NR1H4: variants seen among roughly 807,000 people sequenced by gnomAD.
NR1H4 encodes bile acid receptor.
NR1H4 carries 23 observed loss-of-function variants against 58.5 expected under a neutral mutation model. That is an observed-to-expected ratio of 0.39 (90% CI 0.28 to 0.56). The LOEUF (loss-of-function observed/expected upper bound fraction) is 0.56, where lower values mean the gene tolerates loss of function less well. Ranked by LOEUF, NR1H4 falls within the 20% of genes least tolerant of loss-of-function variation. The pLI is 0.58. For synonymous variants in NR1H4, 214 were observed against 198.0 expected (o/e 1.08, Z -0.68); for missense variants, 487 against 576.9 (o/e 0.84, Z 1.60).
At chr12:100,521,873 TCAAATTATCTTGGAGTATGATG>T (rs1954428514) in intron 4 of NR1H4, among the ~76,000 whole-genome samples, 1 of 152,112 alleles carries the variant, frequency 6.6e-6, no homozygotes, top group Non-Finnish European at 1.5e-5. Context: ...ATTCTAGAGG[TCAAATTATCTTGGAGTATGATG>T]CAAGATGGGG....
chr12:100,542,084 G>A (rs145992323), intron 9 of NR1H4, among the ~76,000 whole-genome samples: 52 of 152,142 alleles, frequency 3.4e-4, no homozygotes, highest in African/African-American at 1.2e-3. Context: ...AGTGGCTCAC[G>A]CCTATAATCC....
intron 8 of NR1H4, among the ~76,000 whole-genome samples, chr12:100,540,331 G>A (rs1954906114): frequency 6.6e-6 from 1 of 152,178 alleles, no homozygotes; most frequent in Non-Finnish European, 1.5e-5. Flanking sequence ...CCAATCTGCA[G>A]AGTTGACCCT....
At chr12:100,537,980 G>A (rs1954851782) in intron 8 of NR1H4, among the ~76,000 whole-genome samples, 1 of 152,168 alleles carries the variant, frequency 6.6e-6, no homozygotes, top group Admixed American at 6.5e-5. Context: ...AAAGTGCTGG[G>A]ATTACAGGCG....
At chr12:100,491,516 T>C (rs556521148) in intron 1 of NR1H4, among the ~76,000 whole-genome samples, 1 of 150,250 alleles carries the variant, frequency 6.7e-6, no homozygotes, top group Admixed American at 6.7e-5. Context: ...GAATCTAGTA[T>C]GGGTTGGTCA....
intron 1 of NR1H4, among the ~76,000 whole-genome samples, chr12:100,485,258 C>T (rs1953466810): frequency 6.6e-6 from 1 of 152,126 alleles, no homozygotes; most frequent in Non-Finnish European, 1.5e-5. Flanking sequence ...GACTGTATTG[C>T]AACCACAGTA....
intron 3 of NR1H4, among the ~76,000 whole-genome samples, chr12:100,502,260 A>T (rs1197280616): frequency 2.0e-5 from 3 of 152,214 alleles, no homozygotes; most frequent in Admixed American, 1.3e-4. Context: ...GCCTGGATGT[A>T]TTAGTTTGCT....
intron 9 of NR1H4, among the ~76,000 whole-genome samples, chr12:100,559,465 C>T (rs575087740): frequency 1.3e-5 from 2 of 152,218 alleles, no homozygotes; most frequent in Non-Finnish European, 2.9e-5. Flanking sequence ...TGGCGGGCCC[C>T]TCACTCGGAG....
intron 4 of NR1H4, among the ~76,000 whole-genome samples, chr12:100,522,791 G>A (rs1365478329): frequency 1.3e-5 from 2 of 152,130 alleles, no homozygotes; most frequent in Non-Finnish European, 2.9e-5. Context: ...CCACTTGTAA[G>A]TGGGAACACA....
chr12:100,542,567 G>A lies in NR1H4; in HGVS notation c.1078+1749G>A, dbSNP rs1954963111. Reference sequence around the variant, plus strand: ...ATTTTCCCGAGAGATTTCATATATGGGTTGGGAGTGGGGAATGAATGAGAT... The same window carrying A: ...ATTTTCCCGAGAGATTTCATATATGAGTTGGGAGTGGGGAATGAATGAGAT... On this transcript the variant is annotated intron_variant, in intron 9 of 10. Coordinates refer to ENST00000392986, the MANE Select transcript of NR1H4 (RefSeq NM_001206979.2). 2.0e-5 allele frequency among the ~76,000 whole-genome samples: 3 copies of A among 152,100 alleles called. No individual in the cohort carries two copies. In the South Asian group the frequency reaches 6.2e-4, roughly 32 times the overall value.
intron 8 of NR1H4, among the ~76,000 whole-genome samples, chr12:100,539,445 C>T (rs954163764): frequency 6.6e-6 from 1 of 152,160 alleles, no homozygotes; most frequent in South Asian, 2.1e-4. Flanking sequence ...GGGCCCCTTT[C>T]CTCAAAGAAG....
chr12:100,538,192 C>A (rs1361341302), intron 8 of NR1H4, among the ~76,000 whole-genome samples: 1 of 152,016 alleles, frequency 6.6e-6, no homozygotes, highest in Non-Finnish European at 1.5e-5. Context: ...GTACCCTGGA[C>A]AGTAAAGAGA....
chr12:100,477,686 C>A (rs1337904233), intron 1 of NR1H4, among the ~76,000 whole-genome samples: 3 of 152,162 alleles, frequency 2.0e-5, no homozygotes, highest in Non-Finnish European at 4.4e-5. Flanking sequence ...TGTGACTGTT[C>A]CTAAGCAGAG....
chr12:100,552,500 C>T lies in NR1H4; in HGVS notation c.1079-9385C>T, dbSNP rs371070481. Among the ~76,000 whole-genome samples the T allele has an allele frequency of 4.6e-5, 7 of 152,304 alleles. No individual in the cohort carries two copies. In the South Asian group the frequency reaches 1.2e-3, roughly 27 times the overall value. On this transcript the variant is annotated intron_variant, in intron 9 of 10. Transcript: ENST00000392986. Reference sequence around the variant, plus strand: ...TTAATGGCATCCCTTGTCCCCATCACATCTCACAACTATGTCACCTTCATC... The same window carrying T: ...TTAATGGCATCCCTTGTCCCCATCATATCTCACAACTATGTCACCTTCATC...
chr12:100,486,239 C>A (rs1388714218), intron 1 of NR1H4, among the ~76,000 whole-genome samples: 2 of 152,034 alleles, frequency 1.3e-5, no homozygotes, highest in Non-Finnish European at 2.9e-5. Flanking sequence ...TATACTAGAC[C>A]AAAGCTATTA....
At chr12:100,488,049 T>G (rs894043018) in intron 1 of NR1H4, among the ~76,000 whole-genome samples, 4 of 151,906 alleles carry the variant, frequency 2.6e-5, no homozygotes, top group South Asian at 2.1e-4. Flanking sequence ...GTTTCCCAGG[T>G]TAGTGCAGTG....
intron 3 of NR1H4, among the ~76,000 whole-genome samples, chr12:100,494,720 G>A (rs1052478586): frequency 2.6e-5 from 4 of 152,358 alleles, no homozygotes; most frequent in Non-Finnish European, 4.4e-5. Flanking sequence ...TGGTTCCTCA[G>A]AACAGAGTCA....
rs191471039 is a variant in NR1H4 at position 100,504,003 on chromosome 12, T to C, written c.80-6775T>C. ...CATGAAATTTTGTTTCAGTTACATG[T>C]GTATAAGTATGTACGAGGGATATGA... On this transcript the variant is annotated intron_variant, in intron 3 of 10. Coordinates refer to ENST00000392986, the MANE Select transcript of NR1H4 (RefSeq NM_001206979.2). Among the ~76,000 whole-genome samples the C allele has an allele frequency of 3.3e-5, 5 of 152,166 alleles. No homozygotes were observed. In the East Asian group the frequency reaches 9.7e-4, roughly 29 times the overall value.
At chr12:100,548,514 C>T (rs777309465) in intron 9 of NR1H4, among the ~76,000 whole-genome samples, 8 of 152,120 alleles carry the variant, frequency 5.3e-5, no homozygotes, top group Non-Finnish European at 7.4e-5. Context: ...AGGGTGGTGG[C>T]TCATTAGCCT....
At chr12:100,487,064 C>A (rs1398776425) in intron 1 of NR1H4, among the ~76,000 whole-genome samples, 2 of 151,960 alleles carry the variant, frequency 1.3e-5, no homozygotes, top group Admixed American at 1.3e-4. Flanking sequence ...TCACACATAG[C>A]CAATATAGAT....
Sources: gnomAD v4.1 joint callset for allele counts (sites outside exome capture counted in the v4.1 genomes callset) on GRCh38, gnomAD v4.1.1 for gene constraint, MANE v1.5 for transcripts, NCBI Gene and HGNC (gene_info 2026-07-23, HGNC 2026-07-21) for gene names.